The following SGCZ variants were observed in gnomAD, a reference collection of about 807,000 sequenced individuals.
SGCZ encodes the protein sarcoglycan zeta.
A neutral mutation model predicts 41.3 loss-of-function variants in SGCZ; 40 were observed. The ratio of observed to expected loss-of-function variants is 0.97; its 90% CI spans 0.75 to 1.26. SGCZ has a LOEUF of 1.26. Ranked by LOEUF, SGCZ falls within the 50% of genes most tolerant of loss-of-function variation. The pLI, the probability that SGCZ is intolerant of heterozygous loss-of-function variation, is 0.00. For missense variants in SGCZ, 552 were observed against 369.8 expected (o/e 1.49, Z -4.04); for synonymous variants, 206 against 137.5 (o/e 1.50, Z -3.49).
intron 2 of SGCZ, among the ~76,000 whole-genome samples, chr8:14,350,990 T>C (rs925115844): frequency 6.6e-6 from 1 of 152,178 alleles, no homozygotes; most frequent in African/African-American, 2.4e-5. Flanking sequence ...CTCATGTCTA[T>C]GCATGCGTAG....
chr8:15,209,771 AT>A (rs201278526), intron 1 of SGCZ, among the ~76,000 whole-genome samples: 6 of 151,186 alleles, frequency 4.0e-5, no homozygotes, highest in Admixed American at 1.3e-4. Context: ...CCTTAAAAAA[AT>A]TAATTAATTA....
At chr8:14,097,713 G>A (rs181479871) in intron 7 of SGCZ, among the ~76,000 whole-genome samples, 1 of 152,282 alleles carries the variant, frequency 6.6e-6, no homozygotes, top group African/African-American at 2.4e-5. Flanking sequence ...CTATTACTGT[G>A]TGGGAGTCTA....
intron 2 of SGCZ, among the ~76,000 whole-genome samples, chr8:14,475,920 C>T (rs1001959975): frequency 6.6e-6 from 1 of 151,832 alleles, no homozygotes; most frequent in Non-Finnish European, 1.5e-5. Context: ...ACTGTCACCT[C>T]AAACTCCTGG....
chr8:15,159,094 G>A (rs972413121), intron 1 of SGCZ, among the ~76,000 whole-genome samples: 1 of 152,152 alleles, frequency 6.6e-6, no homozygotes, highest in East Asian at 1.9e-4. Context: ...TTCTGAGAGG[G>A]GAGGGGGCCT....
chr8:14,201,456 C>A (rs1441423182), intron 4 of SGCZ, among the ~76,000 whole-genome samples: 3 of 152,080 alleles, frequency 2.0e-5, no homozygotes, highest in East Asian at 3.8e-4. Context: ...TAAAAAGGAA[C>A]AAAATTGTTG....
intron 5 of SGCZ, among the ~76,000 whole-genome samples, chr8:14,121,424 T>C (rs1479691903): frequency 2.6e-5 from 4 of 152,142 alleles, no homozygotes; most frequent in African/African-American, 9.6e-5. Context: ...ATATTTGCAC[T>C]GAAATAGAAA....
chr8:14,093,554 G>A (rs1020532246), intron 7 of SGCZ, among the ~76,000 whole-genome samples: 8 of 151,968 alleles, frequency 5.3e-5, no homozygotes, highest in Non-Finnish European at 5.9e-5. Context: ...TCCTCAAACC[G>A]AAATACTTTT....
intron 3 of SGCZ, among the ~76,000 whole-genome samples, chr8:14,254,384 G>T (rs184649933): frequency 1.3e-5 from 2 of 152,206 alleles, no homozygotes; most frequent in African/African-American, 2.4e-5. Flanking sequence ...CAAATCAAAT[G>T]GTGCCCTGCA....
At chr8:14,625,360 C>T (rs1350352244) in intron 1 of SGCZ, among the ~76,000 whole-genome samples, 2 of 152,020 alleles carry the variant, frequency 1.3e-5, no homozygotes, top group Admixed American at 6.6e-5. Context: ...AAACGACAGT[C>T]CTTTTAGAAG....
intron 1 of SGCZ, among the ~76,000 whole-genome samples, chr8:14,929,216 C>G (rs1179998931): frequency 6.6e-6 from 1 of 152,146 alleles, no homozygotes; most frequent in Non-Finnish European, 1.5e-5. Flanking sequence ...TGGTCTCGAA[C>G]TCCTGACCTC....
At chr8:14,587,217 A>G (rs1171866035) in intron 1 of SGCZ, among the ~76,000 whole-genome samples, 2 of 152,192 alleles carry the variant, frequency 1.3e-5, no homozygotes, top group South Asian at 2.1e-4. Context: ...AAATGATAAT[A>G]AAGTTTCAAC....
chr8:15,097,733 A>ATAT (rs1554455093), intron 1 of SGCZ, among the ~76,000 whole-genome samples: 34 of 110,296 alleles, frequency 3.1e-4, no homozygotes, highest in African/African-American at 1.2e-3. Flanking sequence ...TATAAAAAAA[A>ATAT]AAATATATAT....
chr8:14,464,486 ATTT>A (rs35544350), intron 2 of SGCZ, among the ~76,000 whole-genome samples: 4 of 135,930 alleles, frequency 2.9e-5, no homozygotes. Context: ...TTTGAGTGGT[ATTT>A]TTTTTTTTTT....
chr8:14,296,320 C>G (rs1017064493), intron 3 of SGCZ, among the ~76,000 whole-genome samples: 5 of 151,884 alleles, frequency 3.3e-5, no homozygotes, highest in African/African-American at 1.2e-4. Context: ...TGATCCATAC[C>G]CAGGAGAAAA....
intron 2 of SGCZ, among the ~76,000 whole-genome samples, chr8:14,488,821 T>C (rs1301667082): frequency 1.3e-5 from 2 of 152,188 alleles, no homozygotes; most frequent in Admixed American, 1.3e-4. Flanking sequence ...TTTGCAATAG[T>C]CTTAAATAAC....
chr8:14,219,724 C>T (rs954071456), intron 4 of SGCZ, among the ~76,000 whole-genome samples: 3 of 149,602 alleles, frequency 2.0e-5, no homozygotes, highest in Admixed American at 6.7e-5. Flanking sequence ...TCCAGCCTGG[C>T]GACAGAGTGA....
chr8:14,235,901 T>C (rs1158006856), intron 4 of SGCZ, among the ~76,000 whole-genome samples: 4 of 152,162 alleles, frequency 2.6e-5, no homozygotes, highest in Non-Finnish European at 4.4e-5. Flanking sequence ...GACAGGATGA[T>C]CTCGATTTCT....
chr8:14,277,462 C>G (rs1012623978), intron 3 of SGCZ, among the ~76,000 whole-genome samples: 3 of 152,140 alleles, frequency 2.0e-5, no homozygotes, highest in Non-Finnish European at 2.9e-5. Flanking sequence ...GTGCTCCTAA[C>G]ACATGTATCA....
intron 1 of SGCZ, among the ~76,000 whole-genome samples, chr8:14,744,132 A>C (rs375102406): frequency 2.6e-4 from 40 of 152,066 alleles, no homozygotes; most frequent in African/African-American, 9.4e-4. Flanking sequence ...ACAAACAAAC[A>C]AACAAAAACA....
Sources: gnomAD v4.1 joint callset for allele counts (sites outside exome capture counted in the v4.1 genomes callset) on GRCh38, gnomAD v4.1.1 for gene constraint, MANE v1.5 for transcripts, NCBI Gene and HGNC (gene_info 2026-07-23, HGNC 2026-07-21) for gene names.